ANTXR1: variants seen among roughly 807,000 people sequenced by gnomAD.
The protein encoded by ANTXR1 is anthrax toxin receptor 1.
ANTXR1 carries 19 observed loss-of-function variants against 78.1 expected under a neutral mutation model. The ratio of observed to expected loss-of-function variants is 0.24; its 90% CI spans 0.17 to 0.36. The LOEUF is 0.36. ANTXR1 is among the 10% of genes least tolerant of loss of function. The pLI is 1.00. For synonymous variants in ANTXR1, 273 were observed against 260.5 expected (o/e 1.05, Z -0.46); for missense variants, 518 against 718.6 (o/e 0.72, Z 3.19).
rs1558540921 is a variant in ANTXR1 at position 69,096,280 on chromosome 2, GGAA to G, written c.703+5363_703+5365del. On this transcript the variant is annotated intron_variant, in intron 9 of 17. Transcript: ENST00000303714. ...CAAAAGGAAGGAAGGAAGGAAGGAAGGAAGGAAGGGAGGAAGGGAGGAAGGGAG... is the reference window on the plus strand; with the variant it reads ...CAAAAGGAAGGAAGGAAGGAAGGAAGGGAAGGGAGGAAGGGAGGAAGGGAG... 1.6e-3 allele frequency among the ~76,000 whole-genome samples: 17 copies of G among 10,388 alleles called. 1 individual carries two copies. The highest frequency in any genetic ancestry group is 8.1e-3 in the Admixed American group (6 of 742). The allele number at this position is 10,388 out of a possible 152,430, so 6.8% of individuals were successfully genotyped here. A position where few individuals can be genotyped will look rare whatever the true frequency, so the allele number is the denominator to read the frequency against.
chr2:69,122,906 T>G (rs946011395), intron 10 of ANTXR1, 111 bp from the exon 11 acceptor site: 4 of 1,151,328 alleles, frequency 3.5e-6, no homozygotes, highest in Non-Finnish European at 5.2e-6. Context: ...TCAAAAAGAT[T>G]TTTGTTTTTT....
At chr2:69,123,723 G>A (rs1463842769) in intron 11 of ANTXR1, among the ~76,000 whole-genome samples, 1 of 152,182 alleles carries the variant, frequency 6.6e-6, no homozygotes, top group Non-Finnish European at 1.5e-5. Flanking sequence ...AGTGAGATGA[G>A]ATCAAAACCA....
intron 10 of ANTXR1, among the ~76,000 whole-genome samples, chr2:69,111,922 A>G (rs983741736): frequency 6.6e-6 from 1 of 152,204 alleles, no homozygotes; most frequent in Non-Finnish European, 1.5e-5. Flanking sequence ...GATCGAGGGC[A>G]GGAGAACATA....
At position 69,060,051 on chromosome 2, in the gene ANTXR1, C is replaced by T. The variant is rs549457362; in HGVS notation, c.297-10596C>T. On this transcript the variant is annotated intron_variant, in intron 3 of 17. Transcript: ENST00000303714. ...TTGTCTTTTATGCCAGCTTATGCTG[C>T]AACCTTTAAAAATTCCTTGATGGGC... 2.0e-5 allele frequency among the ~76,000 whole-genome samples: 3 copies of T among 152,322 alleles called. No individual in the cohort carries two copies. The East Asian group carries it at 5.8e-4, about 29-fold the overall frequency.
rs1676004323 is a variant in ANTXR1 at position 69,245,608 on chromosome 2, T to C, written c.*123T>C. 2 of 1,404,426 alleles carry C rather than the reference T, an allele frequency of 1.4e-6. No homozygotes were observed. The highest frequency in any genetic ancestry group is 1.9e-6 in the Non-Finnish European group (2 of 1,036,162). 87.0% of individuals were successfully genotyped at this position (1,404,426 alleles called of 1,614,324 possible). ...ACCTTCACACATTCTAAAAATTGGT[T>C]GGCAATGCCAGTATACCAACAATCA... On this transcript the variant is annotated 3_prime_UTR_variant, in exon 18 of 18. Coordinates refer to ENST00000303714, the MANE Select transcript of ANTXR1 (RefSeq NM_032208.3).
At chr2:69,075,751 T>A in intron 7 of ANTXR1, 93 bp downstream of exon 7, 1 of 1,129,438 alleles carries the variant, frequency 8.9e-7, no homozygotes, top group Non-Finnish European at 1.4e-6. Flanking sequence ...ATCAATGGAA[T>A]AAATGCCCCT....
chr2:69,082,175 G>A (rs1479084550), intron 8 of ANTXR1, among the ~76,000 whole-genome samples: 1 of 152,142 alleles, frequency 6.6e-6, no homozygotes, highest in Non-Finnish European at 1.5e-5. Flanking sequence ...ATGGGCAGGG[G>A]AGCACTTTGC....
chr2:69,135,542 G>A lies in ANTXR1; in HGVS notation c.951+10899G>A, dbSNP rs184645770. On this transcript the variant is annotated intron_variant, in intron 12 of 17. Transcript: ENST00000303714. ...GGACACAGAAAGATTGAAAATAAAA[G>A]CATGTGAAAAGTTTTATCAGGCAAA... is the stretch of plus-strand genomic sequence containing the variant. 2.4e-3 allele frequency among the ~76,000 whole-genome samples: 361 copies of A among 152,186 alleles called. 7 individuals are homozygous for A. The highest frequency in any genetic ancestry group is 0.016 in the Admixed American group (238 of 15,280).
intron 8 of ANTXR1, among the ~76,000 whole-genome samples, chr2:69,081,701 A>AG (rs1366601772): frequency 6.6e-6 from 1 of 152,254 alleles, no homozygotes. Flanking sequence ...CACAGCCCTA[A>AG]GGGGGAAAGC....
At chr2:69,093,028 T>A (rs1232148595) in intron 9 of ANTXR1, among the ~76,000 whole-genome samples, 1 of 152,258 alleles carries the variant, frequency 6.6e-6, no homozygotes, top group East Asian at 1.9e-4. Context: ...AACCTTGGAA[T>A]GAATCAGAAA....
chr2:69,158,929 A>T (rs1167541028), intron 13 of ANTXR1, among the ~76,000 whole-genome samples: 2 of 152,208 alleles, frequency 1.3e-5, no homozygotes, highest in Non-Finnish European at 2.9e-5. Context: ...GAAACTAGTC[A>T]CAGAAACTAA....
chr2:69,015,784 GA>G (rs571723923), intron 1 of ANTXR1, among the ~76,000 whole-genome samples: 220 of 152,090 alleles, frequency 1.4e-3, no homozygotes, highest in African/African-American at 5.0e-3. Context: ...AATAAGCCAT[GA>G]AAAAACATAA....
intron 13 of ANTXR1, among the ~76,000 whole-genome samples, chr2:69,159,249 G>T (rs1424776078): frequency 6.6e-6 from 1 of 152,096 alleles, no homozygotes; most frequent in East Asian, 1.9e-4. Flanking sequence ...GAAACCCCAA[G>T]TGAAAAGATC....
Position 69,193,424 on chromosome 2 carries a change from C to T in ANTXR1, c.1434+9C>T, listed in dbSNP as rs201018532. ...CACAGCCAGGAGACACGGTAGGACTCGTTAATTCATTAATGGTGTCTCTCT... is the reference window on the plus strand; with the variant it reads ...CACAGCCAGGAGACACGGTAGGACTTGTTAATTCATTAATGGTGTCTCTCT... On this transcript the variant is annotated intron_variant, in intron 17 of 17. Coordinates refer to ENST00000303714, the MANE Select transcript of ANTXR1 (RefSeq NM_032208.3). The T allele has an allele frequency of 1.5e-4, 247 of 1,605,566 alleles. No homozygotes were observed. In the African/African-American group the frequency reaches 3.0e-3, roughly 20 times the overall value.
chr2:69,206,769 A>C (rs945652342), intron 17 of ANTXR1, among the ~76,000 whole-genome samples: 1 of 152,224 alleles, frequency 6.6e-6, no homozygotes, highest in Non-Finnish European at 1.5e-5. Flanking sequence ...AACTGCCCAT[A>C]TCCCATGGTC....
intron 3 of ANTXR1, among the ~76,000 whole-genome samples, chr2:69,055,739 G>A (rs2104138265): frequency 6.6e-6 from 1 of 152,024 alleles, no homozygotes; most frequent in Non-Finnish European, 1.5e-5. Flanking sequence ...CTCAAATTTT[G>A]GAGTACAATT....
chr2:69,170,635 C>T (rs899784902), intron 14 of ANTXR1, among the ~76,000 whole-genome samples: 2 of 152,190 alleles, frequency 1.3e-5, no homozygotes, highest in African/African-American at 4.8e-5. Flanking sequence ...ATTCTCTTCT[C>T]CTGCAGAGAC....
intron 16 of ANTXR1, among the ~76,000 whole-genome samples, chr2:69,189,157 A>C (rs1558633353): frequency 6.6e-6 from 1 of 152,202 alleles, no homozygotes; most frequent in Non-Finnish European, 1.5e-5. Flanking sequence ...TATGCCACAG[A>C]CTGGAGAGTT....
intron 3 of ANTXR1, among the ~76,000 whole-genome samples, chr2:69,045,269 C>T (rs1371272886): frequency 6.6e-6 from 1 of 151,988 alleles, no homozygotes; most frequent in East Asian, 1.9e-4. Flanking sequence ...GCTTATGGTA[C>T]CACAAAATAA....
Sources: gnomAD v4.1 joint callset for allele counts (sites outside exome capture counted in the v4.1 genomes callset) on GRCh38, gnomAD v4.1.1 for gene constraint, MANE v1.5 for transcripts, NCBI Gene and HGNC (gene_info 2026-07-23, HGNC 2026-07-21) for gene names.